The following SNX27 variants were observed in gnomAD, a reference collection of about 807,000 sequenced individuals.
The protein encoded by SNX27 is sorting nexin 27.
Under a neutral mutation model 71.6 loss-of-function variants are expected in SNX27, and 22 were observed. The ratio of observed to expected loss-of-function variants is 0.31; its 90% CI spans 0.22 to 0.44. SNX27 has a LOEUF of 0.44. SNX27 is among the 20% of genes least tolerant of loss of function. SNX27 has a pLI of 1.00. For missense variants in SNX27, 531 were observed against 698.6 expected (o/e 0.76, Z 2.70); for synonymous variants, 269 against 277.2 (o/e 0.97, Z 0.29).
rs887306378 is a variant in SNX27 at position 151,695,851 on chromosome 1, C to G, written c.*1434C>G. Reference sequence around the variant, plus strand: ...CTATGTACATGAGGTTTTACCTCCTCCATTCCTGACCAATAACCACCCATA... The same window carrying G: ...CTATGTACATGAGGTTTTACCTCCTGCATTCCTGACCAATAACCACCCATA... On this transcript the variant is annotated 3_prime_UTR_variant, in exon 12 of 12. Coordinates refer to ENST00000458013, the MANE Select transcript of SNX27 (RefSeq NM_001330723.2). 1 of 152,162 alleles carries G rather than the reference C, an allele frequency of 6.6e-6. No individual in the cohort carries two copies. The highest frequency in any genetic ancestry group is 1.5e-5 in the Non-Finnish European group (1 of 68,056). 9.4% of individuals were successfully genotyped at this position (152,162 alleles called of 1,614,324 possible). A position where few individuals can be genotyped will look rare whatever the true frequency, so the allele number is the denominator to read the frequency against.
intron 2 of SNX27, among the ~76,000 whole-genome samples, chr1:151,651,993 G>A (rs1347298309): frequency 2.0e-5 from 3 of 152,176 alleles, no homozygotes; most frequent in South Asian, 2.1e-4. Flanking sequence ...TGCGGTTAGG[G>A]GCTGGAGACC....
chr1:151,679,451 T>G (rs748493000), intron 7 of SNX27: 4 of 152,222 alleles, frequency 2.6e-5, no homozygotes, highest in Non-Finnish European at 5.9e-5. Flanking sequence ...AGCTGCTGTT[T>G]CCTGAAAGCT....
intron 8 of SNX27, among the ~76,000 whole-genome samples, chr1:151,686,280 G>T (rs922963385): frequency 4.6e-5 from 7 of 152,200 alleles, no homozygotes; most frequent in Non-Finnish European, 7.3e-5. Context: ...CCAAGTACGT[G>T]CCAGGCACAG....
chr1:151,622,200 C>G (rs769949440), intron 1 of SNX27, among the ~76,000 whole-genome samples: 1 of 152,120 alleles, frequency 6.6e-6, no homozygotes, highest in Non-Finnish European at 1.5e-5. Context: ...CATATCCCTT[C>G]AAAAGTATAT....
At chr1:151,657,354 G>A (rs1669742915) in intron 2 of SNX27, among the ~76,000 whole-genome samples, 1 of 152,086 alleles carries the variant, frequency 6.6e-6, no homozygotes, top group Non-Finnish European at 1.5e-5. Context: ...TTTTTGTAGA[G>A]ACAGGGTTTC....
chr1:151,658,455 A>G (rs769087561), intron 3 of SNX27, 28 bp downstream of exon 3: 3 of 1,601,682 alleles, frequency 1.9e-6, no homozygotes, highest in South Asian at 2.2e-5. Context: ...ACTCTACTAT[A>G]TTGAGTAGAC....
intron 2 of SNX27, among the ~76,000 whole-genome samples, chr1:151,656,749 C>T (rs1032698567): frequency 9.2e-5 from 14 of 152,046 alleles, no homozygotes; most frequent in African/African-American, 2.4e-4. Context: ...TAAAAACAAA[C>T]GAGCAACTAT....
At position 151,695,410 on chromosome 1, in the gene SNX27, CTTTTTTTTTTTTTT is replaced by C. The variant is rs894749899; in HGVS notation, c.*1006_*1019del. 1 of 57,168 alleles carries C rather than the reference CTTTTTTTTTTTTTT, an allele frequency of 1.7e-5. No individual in the cohort carries two copies. The highest frequency in any genetic ancestry group is 3.3e-5 in the Non-Finnish European group (1 of 29,892). The allele number at this position is 57,168 out of a possible 1,614,324, so 3.5% of individuals were successfully genotyped here. ...GGTAGTAATTTCCTGTTTTCCTTGC[CTTTTTTTTTTTTTT>C]TTTTTTTTTTTTCTGAGACAGGGTC... is the stretch of plus-strand genomic sequence containing the variant. On this transcript the variant is annotated 3_prime_UTR_variant, in exon 12 of 12. Transcript: ENST00000458013.
intron 7 of SNX27, chr1:151,676,683 C>T (rs1233162722): frequency 6.6e-6 from 1 of 152,032 alleles, no homozygotes; most frequent in Non-Finnish European, 1.5e-5. Context: ...TTTCTACTAA[C>T]ATTTTCTTTC....
intron 2 of SNX27, among the ~76,000 whole-genome samples, chr1:151,649,111 G>A (rs1437016417): frequency 2.6e-5 from 4 of 151,402 alleles, no homozygotes; most frequent in East Asian, 3.9e-4. Flanking sequence ...ATAGGCGCCC[G>A]CCACCACGCC....
In SNX27 at chr1:151,660,881, T is replaced by C. The variant is rs552244633; in HGVS notation, c.801+19T>C. 114 of 1,583,362 alleles carry C rather than the reference T, an allele frequency of 7.2e-5. No individual in the cohort carries two copies. Among genetic ancestry groups the C allele is most frequent in the East Asian group, 3.4e-4 (15 of 44,676 alleles). ...CGATGAGGTAGGTGAATATCTCTTT[T>C]AGTGATTATTTTCCTTTTGGCTCCT... is the stretch of plus-strand genomic sequence containing the variant. On this transcript the variant is annotated intron_variant, in intron 4 of 11. Coordinates refer to ENST00000458013, the MANE Select transcript of SNX27 (RefSeq NM_001330723.2).
chr1:151,618,068 G>T (rs1400567058), intron 1 of SNX27, among the ~76,000 whole-genome samples: 1 of 145,214 alleles, frequency 6.9e-6, no homozygotes, highest in Non-Finnish European at 1.5e-5. Flanking sequence ...GGGTTGCCAT[G>T]TTGCCCAGTG....
At chr1:151,674,639 G>T (rs1042718022) in intron 7 of SNX27, among the ~76,000 whole-genome samples, 2 of 151,566 alleles carry the variant, frequency 1.3e-5, no homozygotes, top group African/African-American at 4.9e-5. Flanking sequence ...ATTGAAGAGG[G>T]CAGTCATCTG....
At chr1:151,654,331 G>C (rs762788452) in intron 2 of SNX27, among the ~76,000 whole-genome samples, 5 of 152,116 alleles carry the variant, frequency 3.3e-5, no homozygotes, top group Non-Finnish European at 7.4e-5. Flanking sequence ...CTGTGTCTCT[G>C]TGTCCTGATT....
chr1:151,651,256 C>T (rs1401995583), intron 2 of SNX27, among the ~76,000 whole-genome samples: 22 of 148,958 alleles, frequency 1.5e-4, no homozygotes, highest in Non-Finnish European at 2.5e-4. Flanking sequence ...CCCTCCCAGA[C>T]GGGGCGGCTG....
intron 6 of SNX27, 144 bp from the exon 7 acceptor site, chr1:151,668,328 C>T: frequency 2.8e-6 from 2 of 702,992 alleles, no homozygotes; most frequent in Non-Finnish European, 4.4e-6. Flanking sequence ...GTTTTGTGCT[C>T]CCAAGGCAGA....
chr1:151,683,118 C>T (rs1238031335), intron 7 of SNX27, among the ~76,000 whole-genome samples: 1 of 152,102 alleles, frequency 6.6e-6, no homozygotes, highest in Non-Finnish European at 1.5e-5. Context: ...GACCATGATC[C>T]AGTCACCTCC....
chr1:151,662,376 T>C, intron 5 of SNX27, 106 bp downstream of exon 5: 1 of 623,096 alleles, frequency 1.6e-6, no homozygotes, highest in South Asian at 2.1e-5. Context: ...TGGCACATAA[T>C]CCGTTTATTA....
At chr1:151,691,591 C>T (rs1182146083) in intron 8 of SNX27, among the ~76,000 whole-genome samples, 2 of 151,446 alleles carry the variant, frequency 1.3e-5, no homozygotes, top group African/African-American at 4.8e-5. Context: ...CTGCCTCAGC[C>T]TTCCGAGTAG....
Sources: allele counts gnomAD v4.1 joint callset (sites outside exome capture counted in the v4.1 genomes callset), GRCh38; gene constraint gnomAD v4.1.1; transcripts MANE v1.5; gene names NCBI Gene and HGNC (gene_info 2026-07-23, HGNC 2026-07-21).